TTC28: variants seen among roughly 807,000 people sequenced by gnomAD.
The protein encoded by TTC28 is tetratricopeptide repeat protein 28.
In TTC28, 61 loss-of-function variants were observed where a neutral mutation model predicts 198.0. The observed-to-expected ratio is 0.31, with a 90% confidence interval of 0.25 to 0.38. The LOEUF is 0.38. Among genes scored for constraint, TTC28 ranks in the 10% least tolerant of loss-of-function variants. The pLI is 1.00. For synonymous variants in TTC28, 1,171 were observed against 1,297.8 expected, an observed-to-expected ratio of 0.90 and a Z score of 2.10; for missense variants, 2,678 against 3,164.0, an observed-to-expected ratio of 0.85 and a Z score of 3.69.
chr22:27,998,677 G>A lies in TTC28; in HGVS notation c.4982C>T (p.Pro1661Leu). The part of the protein sequence containing the change: ...QCVLVSLWPV[P>L]VAASKMFIHA... ...GATGAACATCTTAGAAGCAGCCACT[G>A]GCACAGGCCACAGAGACACGAGGAC... The change falls in exon 16 of 23, where the codon CCA becomes CTA. Residue 1661 changes from proline to leucine, a missense_variant. Transcript: ENST00000397906. 6.4e-7 allele frequency: 1 copy of A among 1,550,926 alleles called. No individual in the cohort carries two copies. The highest frequency in any genetic ancestry group is 8.7e-7 in the Non-Finnish European group (1 of 1,147,006).
intron 6 of TTC28, among the ~76,000 whole-genome samples, chr22:28,134,756 C>T (rs972957633): frequency 6.6e-6 from 1 of 152,014 alleles, no homozygotes; most frequent in Non-Finnish European, 1.5e-5. Context: ...AGAATGGAAC[C>T]AAGTTGGAAA....
At chr22:28,369,953 C>T (rs1165827400) in intron 2 of TTC28, among the ~76,000 whole-genome samples, 1 of 152,138 alleles carries the variant, frequency 6.6e-6, no homozygotes, top group Non-Finnish European at 1.5e-5. Flanking sequence ...TCTGAATATG[C>T]TCTTTGCATA....
chr22:28,417,935 A>T (rs2047192057), intron 2 of TTC28, among the ~76,000 whole-genome samples: 1 of 152,200 alleles, frequency 6.6e-6, no homozygotes, highest in Non-Finnish European at 1.5e-5. Flanking sequence ...TTTCTCTAAA[A>T]TACAGCCAAC....
intron 1 of TTC28, among the ~76,000 whole-genome samples, chr22:28,673,932 G>A (rs2051932251): frequency 1.3e-5 from 2 of 152,066 alleles, no homozygotes; most frequent in African/African-American, 4.8e-5. Context: ...TAATTTAAAG[G>A]AAGAAAGATT....
chr22:28,196,721 A>T (rs1205155715), intron 5 of TTC28, among the ~76,000 whole-genome samples: 2 of 152,222 alleles, frequency 1.3e-5, no homozygotes, highest in Non-Finnish European at 2.9e-5. Context: ...GAGAAATGCA[A>T]ATCAAAACCA....
intron 5 of TTC28, among the ~76,000 whole-genome samples, chr22:28,193,498 A>G (rs1308248466): frequency 1.3e-5 from 2 of 152,162 alleles, no homozygotes; most frequent in Admixed American, 1.3e-4. Flanking sequence ...TGGCAAATTG[A>G]TTAAACAGTC....
chr22:28,507,644 AG>A (rs986079573), intron 2 of TTC28, among the ~76,000 whole-genome samples: 1 of 152,220 alleles, frequency 6.6e-6, no homozygotes, highest in African/African-American at 2.4e-5. Flanking sequence ...AAAAATGTTA[AG>A]GGCAGCTAAA....
chr22:28,089,873 C>T (rs1328115038), intron 12 of TTC28, among the ~76,000 whole-genome samples: 2 of 151,506 alleles, frequency 1.3e-5, no homozygotes, highest in African/African-American at 4.9e-5. Context: ...GACAAAAAAC[C>T]ACATACCGCA....
intron 2 of TTC28, among the ~76,000 whole-genome samples, chr22:28,370,580 C>T (rs1460820774): frequency 6.6e-6 from 1 of 152,132 alleles, no homozygotes; most frequent in Non-Finnish European, 1.5e-5. Flanking sequence ...TGAACATAGA[C>T]CAATCTGCAT....
At chr22:28,593,264 C>T (rs2050467736) in intron 2 of TTC28, among the ~76,000 whole-genome samples, 1 of 152,116 alleles carries the variant, frequency 6.6e-6, no homozygotes, top group Admixed American at 6.5e-5. Flanking sequence ...TTCAGAGGTT[C>T]GTGTTTCAGT....
At chr22:28,276,416 A>C (rs1188839847) in intron 5 of TTC28, among the ~76,000 whole-genome samples, 1 of 152,172 alleles carries the variant, frequency 6.6e-6, no homozygotes, top group Non-Finnish European at 1.5e-5. Flanking sequence ...AAGGAAAAAT[A>C]AGTACCTGAC....
intron 2 of TTC28, among the ~76,000 whole-genome samples, chr22:28,416,714 G>A (rs186690384): frequency 2.0e-5 from 3 of 152,178 alleles, no homozygotes; most frequent in African/African-American, 7.2e-5. Context: ...AACCCATTCG[G>A]GAAAGCATAG....
intron 2 of TTC28, among the ~76,000 whole-genome samples, chr22:28,459,540 G>T (rs1033078298): frequency 6.6e-6 from 1 of 152,092 alleles, no homozygotes; most frequent in African/African-American, 2.4e-5. Flanking sequence ...AAGTGCCACC[G>T]ACCCCCCTCC....
chr22:28,407,424 G>A (rs915796374), intron 2 of TTC28, among the ~76,000 whole-genome samples: 6 of 152,008 alleles, frequency 3.9e-5, no homozygotes, highest in Non-Finnish European at 8.8e-5. Flanking sequence ...CCAGGTTCGG[G>A]AATATGGAAG....
chr22:28,151,150 T>G (rs1012914023), intron 6 of TTC28, among the ~76,000 whole-genome samples: 1 of 152,212 alleles, frequency 6.6e-6, no homozygotes, highest in African/African-American at 2.4e-5. Context: ...GCTGTTGTGT[T>G]TTCCTCCTGA....
intron 12 of TTC28, among the ~76,000 whole-genome samples, chr22:28,066,175 T>A (rs570972694): frequency 6.6e-6 from 1 of 152,266 alleles, no homozygotes; most frequent in African/African-American, 2.4e-5. Context: ...ATTGTATATA[T>A]TCAAAGTGTA....
intron 2 of TTC28, among the ~76,000 whole-genome samples, chr22:28,387,528 T>C (rs544725310): frequency 1.3e-3 from 197 of 152,356 alleles, no homozygotes; most frequent in African/African-American, 4.3e-3. Flanking sequence ...TCTTTAATGA[T>C]TGCCATTCTA....
intron 12 of TTC28, among the ~76,000 whole-genome samples, chr22:28,038,628 A>G (rs1276153581): frequency 6.6e-6 from 1 of 152,250 alleles, no homozygotes; most frequent in African/African-American, 2.4e-5. Flanking sequence ...TCATGTCTAA[A>G]ACACCAAAAG....
At chr22:28,258,825 G>C (rs1931131013) in intron 5 of TTC28, among the ~76,000 whole-genome samples, 2 of 152,052 alleles carry the variant, frequency 1.3e-5, no homozygotes, top group South Asian at 4.2e-4. Context: ...ATGAAGAAGA[G>C]GGACATAGAA....
Sources: allele counts gnomAD v4.1 joint callset (sites outside exome capture counted in the v4.1 genomes callset), GRCh38; gene constraint gnomAD v4.1.1; transcripts MANE v1.5; gene names NCBI Gene and HGNC (gene_info 2026-07-23, HGNC 2026-07-21).